NR6A1: variants seen among roughly 807,000 people sequenced by gnomAD.
The protein encoded by NR6A1 is retinoic acid receptor-related testis-associated receptor.
In NR6A1, 7 loss-of-function variants were observed where a neutral mutation model predicts 59.1. The observed-to-expected ratio is 0.12, with a 90% CI of 0.07 to 0.22. The LOEUF is 0.22. Ranked by LOEUF, NR6A1 falls within the 10% of genes least tolerant of loss-of-function variation. The pLI is 1.00. For missense variants in NR6A1, 468 were observed against 611.6 expected (o/e 0.77, Z 2.48); for synonymous variants, 243 against 236.1 (o/e 1.03, Z -0.27).
chr9:124,694,889 A>G (rs1203232097), intron 2 of NR6A1, among the ~76,000 whole-genome samples: 3 of 152,202 alleles, frequency 2.0e-5, no homozygotes, highest in African/African-American at 7.2e-5. Flanking sequence ...AGAAAAATCT[A>G]AAGAAAACTA....
rs147507802 is a variant in NR6A1 at position 124,612,978 on chromosome 9, C to T, written c.143-58408G>A. On this transcript the variant is annotated intron_variant, in intron 2 of 9. Transcript: ENST00000487099. ...GTTCTAATTCTAGGAATGTACCTTA[C>T]AGAAGTACTTGTGCAGGAGTGAGAA... Among the ~76,000 whole-genome samples, 7 of 152,286 alleles carry T rather than the reference C, an allele frequency of 4.6e-5. No homozygotes were observed. In the East Asian group the frequency reaches 1.3e-3, roughly 29 times the overall value.
intron 2 of NR6A1, among the ~76,000 whole-genome samples, chr9:124,574,771 C>T (rs539478146): frequency 9.2e-5 from 14 of 152,166 alleles, no homozygotes; most frequent in Non-Finnish European, 2.1e-4. Context: ...TCTACTGTGG[C>T]TTGATGAGTA....
At chr9:124,582,295 C>A (rs1420823270) in intron 2 of NR6A1, among the ~76,000 whole-genome samples, 1 of 152,114 alleles carries the variant, frequency 6.6e-6, no homozygotes, top group African/African-American at 2.4e-5. Context: ...GGCCATTATC[C>A]TTAGCAAACT....
chr9:124,591,537 C>T (rs1776837820), intron 2 of NR6A1, among the ~76,000 whole-genome samples: 1 of 152,200 alleles, frequency 6.6e-6, no homozygotes, highest in Non-Finnish European at 1.5e-5. Flanking sequence ...GCAACAGAAG[C>T]AGCAGTAGTT....
chr9:124,551,947 G>C (rs1335775831), intron 3 of NR6A1, among the ~76,000 whole-genome samples: 1 of 152,234 alleles, frequency 6.6e-6, no homozygotes. Flanking sequence ...CCCTGACGCA[G>C]ACTTCACCAG....
chr9:124,688,721 G>C (rs1838422380), intron 2 of NR6A1, among the ~76,000 whole-genome samples: 1 of 152,202 alleles, frequency 6.6e-6, no homozygotes, highest in Non-Finnish European at 1.5e-5. Flanking sequence ...GCTATGGTCA[G>C]AATTTCCTAA....
intron 2 of NR6A1, among the ~76,000 whole-genome samples, chr9:124,557,129 C>G (rs1192495136): frequency 1.3e-5 from 2 of 152,036 alleles, no homozygotes; most frequent in Admixed American, 1.3e-4. Context: ...GTAATACAAT[C>G]CTCCTTTTTT....
chr9:124,617,237 A>G (rs1021853096), intron 2 of NR6A1, among the ~76,000 whole-genome samples: 2 of 152,340 alleles, frequency 1.3e-5, no homozygotes, highest in Admixed American at 1.3e-4. Flanking sequence ...ATAAAAGGAA[A>G]TCACTCCAGC....
chr9:124,760,620 A>G (rs965272521), intron 1 of NR6A1, among the ~76,000 whole-genome samples: 4 of 152,226 alleles, frequency 2.6e-5, no homozygotes, highest in African/African-American at 4.8e-5. Flanking sequence ...TGCTGTTACT[A>G]GCTGCGAAAT....
intron 2 of NR6A1, among the ~76,000 whole-genome samples, chr9:124,586,043 A>G (rs1403481063): frequency 6.6e-6 from 1 of 152,250 alleles, no homozygotes; most frequent in African/African-American, 2.4e-5. Flanking sequence ...GAGATGTACA[A>G]GCAGATGAAT....
At chr9:124,614,270 C>T (rs1049046352) in intron 2 of NR6A1, among the ~76,000 whole-genome samples, 9 of 152,068 alleles carry the variant, frequency 5.9e-5, no homozygotes, top group East Asian at 3.9e-4. Context: ...TGCACATATA[C>T]GAGAAAAATT....
chr9:124,684,413 T>C (rs1458538923), intron 2 of NR6A1, among the ~76,000 whole-genome samples: 1 of 152,202 alleles, frequency 6.6e-6, no homozygotes, highest in African/African-American at 2.4e-5. Flanking sequence ...TGTCAGCCCT[T>C]GATTCCTGGT....
In NR6A1 at chr9:124,670,003, AG is replaced by A. The variant is rs1418072158; in HGVS notation, c.142+63304del. Among the ~76,000 whole-genome samples, 4 of 152,176 alleles carry A rather than the reference AG, an allele frequency of 2.6e-5. No individual in the cohort carries two copies. In the East Asian group the frequency reaches 5.8e-4, roughly 22 times the overall value. On this transcript the variant is annotated intron_variant, in intron 2 of 9. Transcript: ENST00000487099. The stretch of plus-strand genomic sequence containing the variant: ...AGAAACTTGATGTCTTATTTGTTAA[AG>A]GGCCAAGTAGAATAAAGACTTTAAA...
At chr9:124,628,156 T>C (rs1836305693) in intron 2 of NR6A1, among the ~76,000 whole-genome samples, 1 of 152,160 alleles carries the variant, frequency 6.6e-6, no homozygotes, top group Non-Finnish European at 1.5e-5. Flanking sequence ...GCCTCCCGAG[T>C]AGCTGGGACT....
intron 1 of NR6A1, among the ~76,000 whole-genome samples, chr9:124,764,335 A>G (rs534601510): frequency 3.3e-5 from 5 of 152,368 alleles, no homozygotes; most frequent in African/African-American, 1.2e-4. Context: ...CATAGATAAA[A>G]TATCACAGGA....
At chr9:124,655,413 T>C (rs1837230910) in intron 2 of NR6A1, among the ~76,000 whole-genome samples, 2 of 152,210 alleles carry the variant, frequency 1.3e-5, no homozygotes, top group African/African-American at 4.8e-5. Context: ...GAAGATTAAA[T>C]TAGCTAAATG....
rs911451086 is a variant in NR6A1, at chr9:124,517,771, ATCACAATGCAG to A, written c.*4923_*4933del. On this transcript the variant is annotated 3_prime_UTR_variant, in exon 10 of 10. Coordinates refer to ENST00000487099, the MANE Select transcript of NR6A1 (RefSeq NM_033334.4). ...AGGAATCCCCAGACACAGCCCAGAC[ATCACAATGCAG>A]CCACCAGCCCCTATGGCAGACCTGG... 2.6e-5 allele frequency: 4 copies of A among 152,176 alleles called. No homozygotes were observed. The highest frequency in any genetic ancestry group is 9.7e-5 in the African/African-American group (4 of 41,432). 9.4% of individuals were successfully genotyped at this position (152,176 alleles called of 1,614,324 possible).
chr9:124,697,786 T>C (rs1164210376), intron 2 of NR6A1, among the ~76,000 whole-genome samples: 1 of 152,148 alleles, frequency 6.6e-6, no homozygotes, highest in Non-Finnish European at 1.5e-5. Flanking sequence ...TTGGGCTAAA[T>C]GAGGGTAAAA....
chr9:124,663,207 G>A (rs551285086), intron 2 of NR6A1, among the ~76,000 whole-genome samples: 12 of 152,218 alleles, frequency 7.9e-5, no homozygotes, highest in Non-Finnish European at 1.8e-4. Context: ...GCAACAAATG[G>A]TACTACCCAC....
Sources: gnomAD v4.1 joint callset for allele counts (sites outside exome capture counted in the v4.1 genomes callset) on GRCh38, gnomAD v4.1.1 for gene constraint, MANE v1.5 for transcripts, NCBI Gene and HGNC (gene_info 2026-07-23, HGNC 2026-07-21) for gene names.